MAST4: variants seen among roughly 807,000 people sequenced by gnomAD.
MAST4 encodes the protein microtubule associated serine/threonine kinase family member 4, also known as microtubule-associated serine/threonine-protein kinase 4.
A neutral mutation model predicts 162.7 loss-of-function variants in MAST4; 89 were observed. The observed-to-expected ratio is 0.55, with a 90% CI of 0.46 to 0.65. The LOEUF (loss-of-function observed/expected upper bound fraction) is 0.65. MAST4 is among the 30% of genes least tolerant of loss of function. MAST4 has a pLI of 0.00. For synonymous variants in MAST4, 1,479 were observed against 1,361.1 expected (o/e 1.09, Z -1.91); for missense variants, 3,153 against 3,374.0 (o/e 0.93, Z 1.62).
rs568656049 is a variant in MAST4, at chr5:66,793,569, G to A, written c.642+4775G>A. 6.6e-5 allele frequency among the ~76,000 whole-genome samples: 10 copies of A among 152,322 alleles called. No individual in the cohort carries two copies. In the South Asian group the frequency reaches 1.9e-3, roughly 28 times the overall value. The stretch of plus-strand genomic sequence containing the variant: ...TATTTCTTTGTAGGAAAATAAGGGT[G>A]TAAGCCTTGATGATGGAAGTTTAAA... On this transcript the variant is annotated intron_variant, in intron 3 of 28. Coordinates refer to ENST00000403625, the MANE Select transcript of MAST4 (RefSeq NM_001164664.2).
At chr5:66,760,077 C>CAATTAATTTATT (rs58766667) in intron 2 of MAST4, among the ~76,000 whole-genome samples, 29 of 147,172 alleles carry the variant, frequency 2.0e-4, no homozygotes, top group African/African-American at 6.8e-4. Flanking sequence ...ACAATATCCC[C>CAATTAATTTATT]TATTTATTTA....
rs114794787 is a variant in MAST4 at position 67,100,300 on chromosome 5, G to A, written c.913-135G>A. ...CATCAAGTTATACATTTAGGCAGTC[G>A]TTCTTATAACTTTAACATGAAAAAG... On this transcript the variant is annotated intron_variant, in intron 7 of 28. Transcript: ENST00000403625. 2,166 of 825,500 alleles carry A rather than the reference G, an allele frequency of 2.6e-3. 31 individuals carry two copies. In the African/African-American group the frequency reaches 0.03, roughly 12 times the overall value. The allele number at this position is 825,500 out of a possible 1,614,324, so 51.1% of individuals were successfully genotyped here.
intron 4 of MAST4, among the ~76,000 whole-genome samples, chr5:66,935,075 T>C (rs4102): frequency 0.074 from 11,283 of 152,260 alleles, 509 homozygotes; most frequent in African/African-American, 0.12. Flanking sequence ...AGGACCAATC[T>C]GAGGCTTTCG....
chr5:67,078,333 GA>G (rs35658852), intron 5 of MAST4, among the ~76,000 whole-genome samples: 3,026 of 133,520 alleles, frequency 0.023, 104 homozygotes, highest in African/African-American at 0.073. Context: ...GCCTTGATGT[GA>G]AAAAAAAAAA....
At chr5:66,648,495 C>T (rs553251704) in intron 1 of MAST4, among the ~76,000 whole-genome samples, 1 of 152,126 alleles carries the variant, frequency 6.6e-6, no homozygotes, top group Admixed American at 6.5e-5. Context: ...CAGAGAAAGA[C>T]AGTAATGGCT....
intron 1 of MAST4, among the ~76,000 whole-genome samples, chr5:66,617,116 T>C (rs990356173): frequency 1.3e-5 from 2 of 152,102 alleles, no homozygotes; most frequent in African/African-American, 2.4e-5. Context: ...TAAAATGGAG[T>C]ATGAGGCACT....
At chr5:67,016,270 ATTACT>A (rs1301123660) in intron 4 of MAST4, among the ~76,000 whole-genome samples, 3 of 152,214 alleles carry the variant, frequency 2.0e-5, no homozygotes, top group Non-Finnish European at 4.4e-5. Flanking sequence ...GATTAGAGAA[ATTACT>A]TAACTGTCCC....
intron 4 of MAST4, among the ~76,000 whole-genome samples, chr5:66,982,849 T>G (rs550607102): frequency 1.3e-5 from 2 of 152,366 alleles, no homozygotes; most frequent in East Asian, 3.9e-4. Flanking sequence ...CTGCAACCAC[T>G]GTTGGAGCGT....
At position 66,789,925 on chromosome 5, in the gene MAST4, A is replaced by G. The variant is rs367811079; in HGVS notation, c.642+1131A>G. On this transcript the variant is annotated intron_variant, in intron 3 of 28. Coordinates refer to ENST00000403625, the MANE Select transcript of MAST4 (RefSeq NM_001164664.2). ...AAATATGTGTGTATTTGTTAGCAGC[A>G]TGGATTCCCACATTTCTATTTTTAC... Among the ~76,000 whole-genome samples, 7 of 149,974 alleles carry G rather than the reference A, an allele frequency of 4.7e-5. No homozygotes were observed. The East Asian group carries it at 5.9e-4, about 13-fold the overall frequency.
intron 1 of MAST4, among the ~76,000 whole-genome samples, chr5:66,723,925 C>T (rs573817111): frequency 6.6e-6 from 1 of 152,150 alleles, no homozygotes; most frequent in East Asian, 1.9e-4. Context: ...CAGATTCTCC[C>T]CTAAGCAGTT....
At chr5:66,956,377 G>A (rs1258521566) in intron 4 of MAST4, among the ~76,000 whole-genome samples, 1 of 151,986 alleles carries the variant, frequency 6.6e-6, no homozygotes, top group South Asian at 2.1e-4. Flanking sequence ...AACGTCCAGG[G>A]TTTCTCTCTT....
chr5:66,718,758 T>A (rs901429467), intron 1 of MAST4, among the ~76,000 whole-genome samples: 1 of 152,212 alleles, frequency 6.6e-6, no homozygotes, highest in African/African-American at 2.4e-5. Flanking sequence ...TTGAATCTTC[T>A]TCCTCTTTTG....
rs571922938 is a variant in MAST4 at position 66,871,070 on chromosome 5, C to A, written c.643-28881C>A. On this transcript the variant is annotated intron_variant, in intron 3 of 28. Transcript: ENST00000403625. ...CCAGTCCTGAAAAATGAAACAAATC[C>A]CTGATGGTAGCATTTGCTGGTTTCC... Among the ~76,000 whole-genome samples, 13 of 152,174 alleles carry A rather than the reference C, an allele frequency of 8.5e-5. No individual in the cohort carries two copies. In the East Asian group the frequency reaches 2.1e-3, roughly 25 times the overall value.
At position 66,767,170 on chromosome 5, in the gene MAST4, C is replaced by CGTT. The variant is rs1491178013; in HGVS notation, c.517+7310_517+7311insTGT. Among the ~76,000 whole-genome samples, 441 of 139,564 alleles carry CGTT rather than the reference C, an allele frequency of 3.2e-3. 4 individuals are homozygous for CGTT. The South Asian group carries it at 0.034, about 11-fold the overall frequency. The allele number at this position is 139,564 out of a possible 152,430, so 91.6% of individuals were successfully genotyped here. On this transcript the variant is annotated intron_variant, in intron 2 of 28. Coordinates refer to ENST00000403625, the MANE Select transcript of MAST4 (RefSeq NM_001164664.2). ...TGGTCACAGATGAATGTAAAGTGCA[C>CGTT]GTGTGTGTGTGTGTGTGTGTGTGTG...
At chr5:66,648,079 TGTGTGAGAGAGAGA>T (rs1181010916) in intron 1 of MAST4, among the ~76,000 whole-genome samples, 2 of 103,692 alleles carry the variant, frequency 1.9e-5, no homozygotes, top group Admixed American at 1.0e-4. Flanking sequence ...TGTGTGTGTG[TGTGTGAGAGAGAGA>T]GAGAGAGAGA....
At chr5:66,957,628 G>A (rs895919917) in intron 4 of MAST4, among the ~76,000 whole-genome samples, 1 of 152,120 alleles carries the variant, frequency 6.6e-6, no homozygotes, top group Non-Finnish European at 1.5e-5. Flanking sequence ...AGATAAGCTG[G>A]TACCTAGTTA....
intron 3 of MAST4, among the ~76,000 whole-genome samples, chr5:66,841,717 T>C (rs1758442010): frequency 6.6e-6 from 1 of 152,156 alleles, no homozygotes; most frequent in African/African-American, 2.4e-5. Flanking sequence ...CATCACTTTG[T>C]GGATTAGGGC....
chr5:67,057,391 CA>C (rs1301423974), intron 5 of MAST4, among the ~76,000 whole-genome samples: 1 of 151,950 alleles, frequency 6.6e-6, no homozygotes, highest in Admixed American at 6.6e-5. Flanking sequence ...ACATGAGCCC[CA>C]CCAGTCATCA....
intron 4 of MAST4, among the ~76,000 whole-genome samples, chr5:66,944,189 ATC>A (rs1451926344): frequency 1.3e-5 from 2 of 152,230 alleles, no homozygotes; most frequent in African/African-American, 4.8e-5. Flanking sequence ...GTTGCATTGC[ATC>A]TGTTTCTAAA....
Sources: gnomAD v4.1 joint callset for allele counts (sites outside exome capture counted in the v4.1 genomes callset) on GRCh38, gnomAD v4.1.1 for gene constraint, MANE v1.5 for transcripts, NCBI Gene and HGNC (gene_info 2026-07-23, HGNC 2026-07-21) for gene names.